The following ARFGEF3 variants were observed in gnomAD, a reference collection of about 807,000 sequenced individuals.
The protein encoded by ARFGEF3 is brefeldin A-inhibited guanine nucleotide-exchange protein 3.
ARFGEF3 carries 96 observed loss-of-function variants against 221.7 expected under a neutral mutation model. The ratio of observed to expected loss-of-function variants is 0.43; its 90% CI spans 0.37 to 0.51. The LOEUF (loss-of-function observed/expected upper bound fraction) is 0.51, where lower values mean the gene tolerates loss of function less well. Ranked by LOEUF, ARFGEF3 falls within the 20% of genes least tolerant of loss-of-function variation. The pLI, the probability that ARFGEF3 is intolerant of heterozygous loss-of-function variation, is 0.00. For synonymous variants in ARFGEF3, 1,145 were observed against 1,126.8 expected, an observed-to-expected ratio of 1.02 and a Z score of -0.32; for missense variants, 2,410 against 2,789.9, an observed-to-expected ratio of 0.86 and a Z score of 3.07.
chr6:138,242,599 C>T (rs1034544001), intron 6 of ARFGEF3, among the ~76,000 whole-genome samples: 1 of 152,206 alleles, frequency 6.6e-6, no homozygotes, highest in African/African-American at 2.4e-5. Flanking sequence ...TAACTCACCT[C>T]TTCAGGTAGG....
rs550762006 is a variant in ARFGEF3 at position 138,178,879 on chromosome 6, T to G, written c.137+8166T>G. ...ACCCAGAAGCCCAACACTCAATTCA[T>G]TGACCTCAGCTAGTGTAGACTTAAA... On this transcript the variant is annotated intron_variant, in intron 2 of 33. Coordinates refer to ENST00000251691, the MANE Select transcript of ARFGEF3 (RefSeq NM_020340.5). Among the ~76,000 whole-genome samples the G allele has an allele frequency of 2.0e-5, 3 of 152,308 alleles. No individual in the cohort carries two copies. In the South Asian group the frequency reaches 6.2e-4, roughly 32 times the overall value.
At chr6:138,250,883 G>A (rs1778569446) in intron 8 of ARFGEF3, among the ~76,000 whole-genome samples, 1 of 152,134 alleles carries the variant, frequency 6.6e-6, no homozygotes, top group Non-Finnish European at 1.5e-5. Flanking sequence ...TGAAAGAGTT[G>A]GCTGGTTTCT....
At chr6:138,193,907 A>G (rs989329473) in intron 2 of ARFGEF3, among the ~76,000 whole-genome samples, 1 of 152,150 alleles carries the variant, frequency 6.6e-6, no homozygotes, top group African/African-American at 2.4e-5. Flanking sequence ...TGTTTCTGAA[A>G]GATATTTATG....
chr6:138,280,594 T>TA (rs1306480591), intron 14 of ARFGEF3, among the ~76,000 whole-genome samples: 1 of 152,246 alleles, frequency 6.6e-6, no homozygotes, highest in Admixed American at 6.5e-5. Flanking sequence ...CTCATGCCTA[T>TA]AATCCTAGCA....
intron 22 of ARFGEF3, among the ~76,000 whole-genome samples, chr6:138,305,124 G>A (rs181409619): frequency 2.0e-5 from 3 of 150,996 alleles, no homozygotes; most frequent in Non-Finnish European, 4.4e-5. Context: ...TGGTTTCACT[G>A]GTGGATCTAT....
chr6:138,242,963 C>A lies in ARFGEF3; in HGVS notation c.555C>A (p.Asn185Lys). 1.2e-6 allele frequency: 2 copies of A among 1,612,132 alleles called. No individual in the cohort carries two copies. Among genetic ancestry groups the A allele is most frequent in the South Asian group, 2.2e-5 (2 of 90,788 alleles). ...RQRQENTIIE[N>K]PDVPQDFGNQ... Reference sequence around the variant, plus strand: ...ATCTCCCTTACTAGATAATTGAAAACCCAGATGTCCCACAGGATTTCGGGA... The same window carrying A: ...ATCTCCCTTACTAGATAATTGAAAAACCAGATGTCCCACAGGATTTCGGGA... The change falls in exon 7 of 34, where the codon AAC (asparagine) becomes AAA (lysine). Residue 185 changes from asparagine to lysine, a missense_variant. Transcript: ENST00000251691.
chr6:138,214,525 C>T (rs1250160711), intron 4 of ARFGEF3, among the ~76,000 whole-genome samples: 3 of 152,150 alleles, frequency 2.0e-5, no homozygotes, highest in Non-Finnish European at 4.4e-5. Flanking sequence ...GTTGTTATAA[C>T]GGATCCTAGG....
chr6:138,294,823 C>T (rs892647196), intron 20 of ARFGEF3, among the ~76,000 whole-genome samples: 2 of 152,194 alleles, frequency 1.3e-5, no homozygotes, highest in Non-Finnish European at 2.9e-5. Flanking sequence ...CAGATGAGTT[C>T]AGGCAGAGAC....
intron 5 of ARFGEF3, among the ~76,000 whole-genome samples, chr6:138,235,023 T>C (rs1002801351): frequency 3.9e-5 from 6 of 152,206 alleles, no homozygotes; most frequent in African/African-American, 1.2e-4. Flanking sequence ...GAAAAATATA[T>C]GTATATATAT....
At chr6:138,227,685 A>G (rs1190919609) in intron 4 of ARFGEF3, among the ~76,000 whole-genome samples, 1 of 152,224 alleles carries the variant, frequency 6.6e-6, no homozygotes, top group Non-Finnish European at 1.5e-5. Flanking sequence ...GTAAGAAAGC[A>G]TCATGTGACA....
At chr6:138,289,467 T>G (rs1779358879) in intron 17 of ARFGEF3, among the ~76,000 whole-genome samples, 2 of 152,304 alleles carry the variant, frequency 1.3e-5, no homozygotes, top group East Asian at 1.9e-4. Flanking sequence ...GACCAATTTT[T>G]GGGAAGGGTG....
intron 18 of ARFGEF3, among the ~76,000 whole-genome samples, chr6:138,290,799 G>A (rs757620823): frequency 5.9e-5 from 9 of 152,176 alleles, no homozygotes; most frequent in Non-Finnish European, 1.3e-4. Flanking sequence ...ATGGCCAATG[G>A]CCCAGGGCAC....
chr6:138,333,163 G>A (rs766595063), intron 32 of ARFGEF3, among the ~76,000 whole-genome samples: 2 of 152,128 alleles, frequency 1.3e-5, no homozygotes, highest in Non-Finnish European at 2.9e-5. Flanking sequence ...AAACCACATT[G>A]GCAAATTAAA....
intron 24 of ARFGEF3, 62 bp from the exon 25 acceptor site, chr6:138,311,342 TCTC>T: frequency 2.1e-6 from 2 of 942,924 alleles, no homozygotes; most frequent in Non-Finnish European, 3.3e-6. Context: ...AGTAAACAGG[TCTC>T]CTGTTACAGG....
chr6:138,321,782 T>A (rs924552687), intron 29 of ARFGEF3, among the ~76,000 whole-genome samples: 1 of 152,212 alleles, frequency 6.6e-6, no homozygotes, highest in Non-Finnish European at 1.5e-5. Context: ...TGTACTCCCA[T>A]GTTCACAATA....
intron 18 of ARFGEF3, 85 bp downstream of exon 18, chr6:138,290,053 C>T (rs1583051645): frequency 7.7e-7 from 1 of 1,294,714 alleles, no homozygotes; most frequent in Admixed American, 2.4e-5. Context: ...AGAGGGGTGG[C>T]CTTAAGAGCC....
At position 138,190,340 on chromosome 6, in the gene ARFGEF3, C is replaced by G. The variant is rs571225139; in HGVS notation, c.138-16702C>G. Among the ~76,000 whole-genome samples, 4 of 151,976 alleles carry G rather than the reference C, an allele frequency of 2.6e-5. No individual in the cohort carries two copies. In the South Asian group the frequency reaches 8.3e-4, roughly 32 times the overall value. ...CCAGGAGGGGCTCTGGGAATGCTAACAGGGCAAGCAGAAGTGTGGAGCAGG... is the reference window on the plus strand; with the variant it reads ...CCAGGAGGGGCTCTGGGAATGCTAAGAGGGCAAGCAGAAGTGTGGAGCAGG... On this transcript the variant is annotated intron_variant, in intron 2 of 33. Transcript: ENST00000251691.
Position 138,333,978 on chromosome 6 carries a change from T to TC in ARFGEF3, c.5133dup (p.Arg1712GlnfsTer19). On this transcript the variant is annotated frameshift_variant, in exon 33 of 34. Coordinates refer to ENST00000251691, the MANE Select transcript of ARFGEF3 (RefSeq NM_020340.5). LOFTEE classifies it high-confidence loss of function. ...TCTCTTTTCACTTGAAGCGTGTCTT[T>TC]CAGGGAAATTGTGGTGAGCCTGCTG... The TC allele has an allele frequency of 6.2e-7, 1 of 1,604,962 alleles. No individual in the cohort carries two copies. The highest frequency in any genetic ancestry group is 8.5e-7 in the Non-Finnish European group (1 of 1,173,254).
intron 6 of ARFGEF3, 98 bp from the exon 7 acceptor site, chr6:138,242,854 C>A: frequency 9.7e-7 from 1 of 1,035,216 alleles, no homozygotes. Context: ...CAGGGCACCC[C>A]GGAAGCCATT....
Sources: gnomAD v4.1 joint callset for allele counts (sites outside exome capture counted in the v4.1 genomes callset) on GRCh38, gnomAD v4.1.1 for gene constraint, MANE v1.5 for transcripts, NCBI Gene and HGNC (gene_info 2026-07-23, HGNC 2026-07-21) for gene names.